ATP4B: variants seen among roughly 807,000 people sequenced by gnomAD.
ATP4B encodes ATPase H+/K+ transporting subunit beta, also known as potassium-transporting ATPase subunit beta.
Under a neutral mutation model 35.3 loss-of-function variants are expected in ATP4B, and 27 were observed. The observed-to-expected ratio is 0.76, with a 90% confidence interval of 0.56 to 1.05. ATP4B has a LOEUF of 1.05. Ranked by LOEUF, ATP4B falls within the 50% of genes least tolerant of loss-of-function variation. ATP4B has a pLI of 0.00. For missense variants in ATP4B, 375 were observed against 384.8 expected, an observed-to-expected ratio of 0.97 and a Z score of 0.21; for synonymous variants, 162 against 156.0, an observed-to-expected ratio of 1.04 and a Z score of -0.29.
intron 4 of ATP4B, 193 bp downstream of exon 4, chr13:113,652,680 G>A: frequency 1.4e-6 from 1 of 701,524 alleles, no homozygotes; most frequent in South Asian, 1.5e-5. Flanking sequence ...TCTGACGAGT[G>A]GTTTCAAATT....
In ATP4B at chr13:113,651,871, C is replaced by T. The variant is rs939392253; in HGVS notation, c.556-144G>A. On this transcript the variant is annotated intron_variant, in intron 4 of 6. Transcript: ENST00000335288. Reference sequence around the variant, plus strand: ...TGAGAAGGGCCCTTGGTCTGGTTTGCGGCTTCCCTTGGAGGAATCCCCATA... The same window carrying T: ...TGAGAAGGGCCCTTGGTCTGGTTTGTGGCTTCCCTTGGAGGAATCCCCATA... 26 of 949,650 alleles carry T rather than the reference C, an allele frequency of 2.7e-5. No homozygotes were observed. The Admixed American group carries it at 4.6e-4, about 17-fold the overall frequency. 58.8% of individuals were successfully genotyped at this position (949,650 alleles called of 1,614,324 possible). A position where few individuals can be genotyped will look rare whatever the true frequency, so the allele number is the denominator to read the frequency against.
intron 4 of ATP4B, among the ~76,000 whole-genome samples, chr13:113,652,230 C>A (rs2049718121): frequency 6.6e-6 from 1 of 152,240 alleles, no homozygotes. Context: ...CAGTGGCCAC[C>A]ACGCCCTGCT....
rs764615168 is a variant in ATP4B at position 113,653,067 on chromosome 13, A to G, written c.361T>C (p.Ser121Pro). ...QTLHAFLAGYSPAAQEDSINC... is the reference protein window; with the variant it reads ...QTLHAFLAGYPPAAQEDSINC... ...ATGCTGTCCTCCTGGGCTGCTGGAG[A>G]GTAGCCTGCAGACGGACGCACCTGC... The change falls in exon 4 of 7, where the codon TCT becomes CCT. Residue 121 changes from serine to proline, a missense_variant. Coordinates refer to ENST00000335288, the MANE Select transcript of ATP4B (RefSeq NM_000705.4). 4 of 1,608,412 alleles carry G rather than the reference A, an allele frequency of 2.5e-6. No homozygotes were observed. The highest frequency in any genetic ancestry group is 1.1e-5 in the South Asian group (1 of 90,926).
At chr13:113,651,526 A>G (rs537004807) in intron 5 of ATP4B, 145 bp downstream of exon 5, 1 of 878,652 alleles carries the variant, frequency 1.1e-6, no homozygotes, top group Admixed American at 3.7e-5. Flanking sequence ...CGCTGTGGTG[A>G]TGGTTCGGTG....
intron 2 of ATP4B, 97 bp downstream of exon 2, chr13:113,654,717 T>C: frequency 6.7e-7 from 1 of 1,489,306 alleles, no homozygotes. Context: ...TGGGCTTCAT[T>C]TCTGGGGAGG....
Position 113,649,365 on chromosome 13 carries a change from C to A in ATP4B, c.*9G>T. 1 of 1,588,886 alleles carries A rather than the reference C, an allele frequency of 6.3e-7. No homozygotes were observed. The highest frequency in any genetic ancestry group is 1.7e-5 in the Admixed American group (1 of 57,966). On this transcript the variant is annotated 3_prime_UTR_variant, in exon 7 of 7. Transcript: ENST00000335288. The surrounding 1 kb of genome is among the most constrained non-coding windows in gnomAD (Gnocchi z 4.7). ...CGCAGGCGTGCCCAGGACCCCTGCGCAAACCGTTTCACTTCTCAATCTTGA... is the reference window on the plus strand; with the variant it reads ...CGCAGGCGTGCCCAGGACCCCTGCGAAAACCGTTTCACTTCTCAATCTTGA...
Position 113,650,492 on chromosome 13 carries a change from G to A in ATP4B, c.628C>T (p.Leu210Phe), listed in dbSNP as rs893981125. 2 of 1,612,866 alleles carry A rather than the reference G, an allele frequency of 1.2e-6. No homozygotes were observed. Among genetic ancestry groups the A allele is most frequent in the Non-Finnish European group, 1.7e-6 (2 of 1,179,388 alleles). ...TACTTGACCTGCAGCGGCTGGCCGA[G>A]CTCGCGGGGCTGGTCCTGGGGAGGA... ...DCAFLDQPRELGQPLQVKYYP... is the reference protein window; with the variant it reads ...DCAFLDQPREFGQPLQVKYYP... Residue 210 changes from leucine to phenylalanine, a missense_variant, in exon 6 of 7, where the codon CTC becomes TTC. Transcript: ENST00000335288. This position sits in a 1 kb window ranked among gnomAD's most constrained non-coding sequence, Gnocchi z 5.0.
Position 113,652,602 on chromosome 13 carries a change from C to A in ATP4B, c.555+271G>T, listed in dbSNP as rs1398031019. 1.3e-5 allele frequency: 7 copies of A among 518,742 alleles called. No individual in the cohort carries two copies. In the East Asian group the frequency reaches 2.2e-4, roughly 16 times the overall value. 32.1% of individuals were successfully genotyped at this position (518,742 alleles called of 1,614,324 possible). A position where few individuals can be genotyped will look rare whatever the true frequency, so the allele number is the denominator to read the frequency against. The stretch of plus-strand genomic sequence containing the variant: ...GCATCTCTGGCTGCCCTGAAGGGGG[C>A]CCTGGCCTTGCAGAGACCCCTGTTC... On this transcript the variant is annotated intron_variant, in intron 4 of 6. Transcript: ENST00000335288.
chr13:113,657,605 T>C (rs2049765866), intron 1 of ATP4B, among the ~76,000 whole-genome samples: 2 of 152,190 alleles, frequency 1.3e-5, no homozygotes, highest in African/African-American at 4.8e-5. Context: ...CCAGCGGGTG[T>C]CCCGGAAAGG....
At position 113,649,195 on chromosome 13, in the gene ATP4B, A is replaced by C; in HGVS notation, c.*179T>G. 4 of 563,708 alleles carry C rather than the reference A, an allele frequency of 7.1e-6. No homozygotes were observed. The highest frequency in any genetic ancestry group is 1.2e-5 in the Non-Finnish European group (4 of 336,586). The allele number at this position is 563,708 out of a possible 1,614,324, so 34.9% of individuals were successfully genotyped here. A position where few individuals can be genotyped will look rare whatever the true frequency, so the allele number is the denominator to read the frequency against. On this transcript the variant is annotated 3_prime_UTR_variant, in exon 7 of 7. Coordinates refer to ENST00000335288, the MANE Select transcript of ATP4B (RefSeq NM_000705.4). This position sits in a 1 kb window ranked among gnomAD's most constrained non-coding sequence, Gnocchi z 4.7. The stretch of plus-strand genomic sequence containing the variant: ...AAGAATTCAACAAGGAAGAACTGAT[A>C]CTCGCGAGCAGGTCCTTCAGATGTG...
At chr13:113,652,682 T>C in intron 4 of ATP4B, 191 bp downstream of exon 4, 2 of 706,852 alleles carry the variant, frequency 2.8e-6, no homozygotes, top group Non-Finnish European at 5.1e-6. Context: ...TGACGAGTGG[T>C]TTCAAATTTG....
At chr13:113,651,517 G>A (rs1041574747) in intron 5 of ATP4B, among the ~76,000 whole-genome samples, 154 bp downstream of exon 5, 4 of 152,244 alleles carry the variant, frequency 2.6e-5, no homozygotes, top group Non-Finnish European at 5.9e-5. Context: ...GGTGGAGCTC[G>A]CTGTGGTGAT....
intron 5 of ATP4B, 68 bp downstream of exon 5, chr13:113,651,603 A>G (rs985415554): frequency 2.0e-6 from 3 of 1,477,010 alleles, no homozygotes; most frequent in Admixed American, 2.4e-5. Context: ...CGTGCCCAGC[A>G]TGAACCAGCA....
chr13:113,650,330 C>A lies in ATP4B; in HGVS notation c.714+76G>T. ...TGTTTCATTTTTCTACATGAAGGGG[C>A]TTATTGCTTTCCTTTCGCTAAGTGT... On this transcript the variant is annotated intron_variant, in intron 6 of 6. Transcript: ENST00000335288. This position sits in a 1 kb window ranked among gnomAD's most constrained non-coding sequence, Gnocchi z 5.0. 7.3e-7 allele frequency: 1 copy of A among 1,360,818 alleles called. No individual in the cohort carries two copies. The allele number at this position is 1,360,818 out of a possible 1,614,324, so 84.3% of individuals were successfully genotyped here. A position where few individuals can be genotyped will look rare whatever the true frequency, so the allele number is the denominator to read the frequency against.
chr13:113,657,849 TG>T (rs1251797630), intron 1 of ATP4B, among the ~76,000 whole-genome samples, 183 bp downstream of exon 1: 1 of 152,200 alleles, frequency 6.6e-6, no homozygotes, highest in African/African-American at 2.4e-5. Context: ...CAGGATGCTC[TG>T]GGGACCCTCG....
intron 2 of ATP4B, among the ~76,000 whole-genome samples, chr13:113,654,413 C>T (rs188563813): frequency 1.1e-4 from 17 of 152,240 alleles, no homozygotes; most frequent in East Asian, 1.9e-4. Context: ...CGGGTGTGCT[C>T]CTTGGAAACT....
intron 4 of ATP4B, among the ~76,000 whole-genome samples, chr13:113,652,383 C>CTGAT (rs1454893889): frequency 6.6e-6 from 1 of 152,250 alleles, no homozygotes; most frequent in Admixed American, 6.5e-5. Flanking sequence ...CACAGAGCTG[C>CTGAT]TGATTGGTCC....
In ATP4B at chr13:113,652,940, G is replaced by A; in HGVS notation, c.488C>T (p.Ser163Leu). The A allele has an allele frequency of 1.2e-6, 2 of 1,614,244 alleles. No individual in the cohort carries two copies. The highest frequency in any genetic ancestry group is 1.7e-6 in the Non-Finnish European group (2 of 1,180,046). The part of the protein sequence containing the change: ...KFTADMLQNC[S>L]GLADPNFGFE... ...GCCGAAGTTGGGATCCGCCAGGCCT[G>A]AGCAGTTCTGCAGCATATCTGCCGT... The change falls in exon 4 of 7, where the codon TCA becomes TTA. Residue 163 changes from serine to leucine, a missense_variant. By Grantham distance (145) the Ser-to-Leu change is moderately radical. Coordinates refer to ENST00000335288, the MANE Select transcript of ATP4B (RefSeq NM_000705.4).
chr13:113,653,237 C>T (rs1038416129), intron 3 of ATP4B, 84 bp downstream of exon 3: 1 of 1,371,840 alleles, frequency 7.3e-7, no homozygotes, highest in African/African-American at 1.5e-5. Flanking sequence ...CCTCACCCAC[C>T]CGCCGCTTCA....
Sources: gnomAD v4.1 joint callset for allele counts (sites outside exome capture counted in the v4.1 genomes callset) on GRCh38, gnomAD v4.1.1 for gene constraint, Gnocchi (gnomAD v3.1) non-coding constraint, MANE v1.5 for transcripts, NCBI Gene and HGNC (gene_info 2026-07-23, HGNC 2026-07-21) for gene names.